Variants in PIGX observed in about 807,000 individuals in gnomAD.
The protein encoded by PIGX is GPI alpha-1,4-mannosyltransferase I, stabilizing subunit.
Under a neutral mutation model 28.7 loss-of-function variants are expected in PIGX, and 24 were observed. The ratio of observed to expected loss-of-function variants is 0.84; its 90% confidence interval spans 0.60 to 1.17. PIGX has a LOEUF of 1.17. Among genes scored for constraint, PIGX ranks in the 50% most tolerant of loss-of-function variants. The probability of loss-of-function intolerance (pLI) is 0.00; values close to 1 mark genes in which losing one functional copy is unlikely to be tolerated. For synonymous variants in PIGX, 127 were observed against 121.0 expected (o/e 1.05, Z -0.33); for missense variants, 305 against 317.8 (o/e 0.96, Z 0.31).
chr3:196,718,169 G>A (rs544421020), intron 2 of PIGX, among the ~76,000 whole-genome samples: 2 of 152,196 alleles, frequency 1.3e-5, no homozygotes, highest in South Asian at 2.1e-4. Context: ...CATTAGCCAG[G>A]CGTGGTGGTG....
chr3:196,730,069 A>G (rs915134601), intron 4 of PIGX, among the ~76,000 whole-genome samples: 7 of 146,758 alleles, frequency 4.8e-5, no homozygotes, highest in Non-Finnish European at 9.1e-5. Context: ...GACTGTCTCA[A>G]AAAAAAAAAA....
At chr3:196,715,803 C>T (rs1447678450) in intron 1 of PIGX, among the ~76,000 whole-genome samples, 2 of 151,990 alleles carry the variant, frequency 1.3e-5, no homozygotes, top group Non-Finnish European at 2.9e-5. Context: ...ATGCTCCCAC[C>T]TCAGCCTCCT....
intron 4 of PIGX, among the ~76,000 whole-genome samples, chr3:196,729,719 C>T (rs1712672746): frequency 6.6e-6 from 1 of 151,018 alleles, no homozygotes; most frequent in African/African-American, 2.4e-5. Flanking sequence ...AAGCCCCTTT[C>T]AGTTTTTGGT....
At chr3:196,713,555 C>T (rs1711935697) in intron 1 of PIGX, among the ~76,000 whole-genome samples, 1 of 152,118 alleles carries the variant, frequency 6.6e-6, no homozygotes, top group Admixed American at 6.6e-5. Context: ...GGTCCACCCT[C>T]CTCAGCCTCC....
intron 3 of PIGX, among the ~76,000 whole-genome samples, chr3:196,727,667 A>G (rs1269333818): frequency 1.3e-5 from 2 of 152,184 alleles, no homozygotes; most frequent in African/African-American, 2.4e-5. Context: ...TACAGGAATA[A>G]TTTTTATTAT....
At position 196,733,801 on chromosome 3, in the gene PIGX, G is replaced by C. The variant is rs368259238; in HGVS notation, c.676G>C (p.Val226Leu). The C allele has an allele frequency of 7.0e-6, 11 of 1,574,700 alleles. No individual in the cohort carries two copies. In the African/African-American group the frequency reaches 1.5e-4, roughly 21 times the overall value. Residue 226 changes from valine (V) to leucine (L), a missense_variant, in exon 6 of 6, where the codon GTA (valine) becomes CTA (leucine). By Grantham distance (32) the Val-to-Leu change is conservative (BLOSUM62 1). Transcript: ENST00000392391. This position sits in a 1 kb window ranked among gnomAD's most constrained non-coding sequence, Gnocchi z 4.3. Reference sequence around the variant, plus strand: ...TCTACAAGTTCCAGTGGGACTGACTGTACATACCTCTCTAGTATGTTCTGT... The same window carrying C: ...TCTACAAGTTCCAGTGGGACTGACTCTACATACCTCTCTAGTATGTTCTGT...
chr3:196,730,883 C>T, intron 4 of PIGX, 109 bp from the exon 5 acceptor site: 1 of 545,646 alleles, frequency 1.8e-6, no homozygotes, highest in Non-Finnish European at 3.4e-6. Context: ...AGATCATATA[C>T]ATAATGTATT....
chr3:196,729,500 C>T (rs1712661515), intron 4 of PIGX, among the ~76,000 whole-genome samples: 1 of 151,290 alleles, frequency 6.6e-6, no homozygotes, highest in Admixed American at 6.6e-5. Context: ...TCCGCCTCTC[C>T]TGCCTCAGCC....
chr3:196,721,972 G>A (rs567623710), intron 2 of PIGX, among the ~76,000 whole-genome samples: 7 of 152,062 alleles, frequency 4.6e-5, no homozygotes, highest in Non-Finnish European at 1.0e-4. Flanking sequence ...GGCTGGTCTC[G>A]AATTCCTGAG....
chr3:196,732,260 TATTTTATTTTA>T (rs1560080768), intron 5 of PIGX, among the ~76,000 whole-genome samples: 1,628 of 60,372 alleles, frequency 0.027, 379 homozygotes, highest in East Asian at 0.051. Flanking sequence ...ATATATATTT[TATTTTATTTTA>T]TTTTTTTTTT....
Position 196,712,459 on chromosome 3 carries a change from G to A in PIGX, c.-74G>A. The A allele has an allele frequency of 1.5e-6, 1 of 659,682 alleles. No homozygotes were observed. Among genetic ancestry groups the A allele is most frequent in the Non-Finnish European group, 2.0e-6 (1 of 492,718 alleles). 40.9% of individuals were successfully genotyped at this position (659,682 alleles called of 1,614,324 possible). A position where few individuals can be genotyped will look rare whatever the true frequency, so the allele number is the denominator to read the frequency against. On this transcript the variant is annotated 5_prime_UTR_variant, in exon 1 of 6. Transcript: ENST00000392391. ...TCTGGGGCAGCGCGCGGTAGGAGCTGCGGGCGGCCAGGCCCCTTCCTGCGT... is the reference window on the plus strand; with the variant it reads ...TCTGGGGCAGCGCGCGGTAGGAGCTACGGGCGGCCAGGCCCCTTCCTGCGT...
chr3:196,721,370 T>C (rs1712315789), intron 2 of PIGX: 2 of 164,416 alleles, frequency 1.2e-5, no homozygotes, highest in Non-Finnish European at 2.7e-5. Flanking sequence ...AGTTTTTATT[T>C]CGGAAATTAT....
At chr3:196,720,249 A>G (rs1712270825) in intron 2 of PIGX, among the ~76,000 whole-genome samples, 1 of 152,204 alleles carries the variant, frequency 6.6e-6, no homozygotes, top group Non-Finnish European at 1.5e-5. Context: ...GGCAACCAGC[A>G]TGCTTGTCTC....
intron 2 of PIGX, among the ~76,000 whole-genome samples, chr3:196,718,993 A>G (rs1401469405): frequency 6.6e-6 from 1 of 152,130 alleles, no homozygotes; most frequent in Non-Finnish European, 1.5e-5. Context: ...TAGCCATCCC[A>G]TATTTATTAT....
chr3:196,723,574 A>G (rs1388407051), intron 3 of PIGX, among the ~76,000 whole-genome samples: 1 of 151,322 alleles, frequency 6.6e-6, no homozygotes, highest in African/African-American at 2.4e-5. Flanking sequence ...CAGTAGGCCT[A>G]GATTGGGCCC....
chr3:196,731,181 AT>A (rs773730665), intron 5 of PIGX, 89 bp downstream of exon 5: 98,260 of 471,738 alleles, frequency 0.21, 26 homozygotes, highest in South Asian at 0.3. Flanking sequence ...AGAGATTAGC[AT>A]TTTTTTTTTT....
intron 2 of PIGX, among the ~76,000 whole-genome samples, chr3:196,718,170 C>T (rs1349551256): frequency 2.0e-5 from 3 of 151,942 alleles, no homozygotes; most frequent in Admixed American, 6.6e-5. Flanking sequence ...ATTAGCCAGG[C>T]GTGGTGGTGG....
At chr3:196,716,101 C>T (rs973309158) in intron 1 of PIGX, among the ~76,000 whole-genome samples, 2 of 152,134 alleles carry the variant, frequency 1.3e-5, no homozygotes, top group Admixed American at 1.3e-4. Context: ...AAGCCCCCAT[C>T]CCCTGGGTTC....
intron 5 of PIGX, among the ~76,000 whole-genome samples, chr3:196,732,685 C>T (rs970331989): frequency 6.6e-6 from 1 of 151,964 alleles, no homozygotes; most frequent in Non-Finnish European, 1.5e-5. Flanking sequence ...TTTTGAATGA[C>T]GGTTTTCAGA....
Sources: allele counts gnomAD v4.1 joint callset (sites outside exome capture counted in the v4.1 genomes callset), GRCh38; gene constraint gnomAD v4.1.1; non-coding constraint Gnocchi (gnomAD v3.1); transcripts MANE v1.5; gene names NCBI Gene and HGNC (gene_info 2026-07-23, HGNC 2026-07-21).